C3orf20: variants seen among roughly 807,000 people sequenced by gnomAD.
C3orf20 encodes the protein uncharacterized protein C3orf20.
Under a neutral mutation model 88.3 loss-of-function variants are expected in C3orf20, and 76 were observed. That is an observed-to-expected ratio of 0.86 (90% CI 0.72 to 1.04). The LOEUF (loss-of-function observed/expected upper bound fraction) is 1.04, where lower values mean the gene tolerates loss of function less well. Among genes scored for constraint, C3orf20 ranks in the 50% least tolerant of loss-of-function variants. C3orf20 has a pLI of 0.00. For missense variants in C3orf20, 1,056 were observed against 1,123.3 expected, an observed-to-expected ratio of 0.94 and a Z score of 0.86; for synonymous variants, 436 against 437.4, an observed-to-expected ratio of 1.00 and a Z score of 0.04.
intron 7 of C3orf20, among the ~76,000 whole-genome samples, chr3:14,712,842 G>A (rs1033643249): frequency 2.0e-5 from 3 of 152,138 alleles, no homozygotes; most frequent in East Asian, 1.9e-4. Context: ...AGGTCTACTA[G>A]TGATTAACTT....
chr3:14,687,687 A>T (rs959780831), intron 4 of C3orf20, among the ~76,000 whole-genome samples: 1 of 152,164 alleles, frequency 6.6e-6, no homozygotes, highest in African/African-American at 2.4e-5. Flanking sequence ...CCTGAATACC[A>T]TGTCTCCTCA....
intron 12 of C3orf20, among the ~76,000 whole-genome samples, chr3:14,741,842 A>C (rs917616551): frequency 6.6e-5 from 10 of 152,198 alleles, no homozygotes; most frequent in African/African-American, 2.4e-4. Flanking sequence ...TTTTAATTAC[A>C]TATAGATTAA....
intron 12 of C3orf20, among the ~76,000 whole-genome samples, chr3:14,752,639 A>C (rs989880759): frequency 6.6e-6 from 1 of 152,234 alleles, no homozygotes; most frequent in African/African-American, 2.4e-5. Flanking sequence ...ACAAATTTAC[A>C]AGAAAAAAAC....
chr3:14,772,312 A>G lies in C3orf20; in HGVS notation c.2630+111A>G, dbSNP rs1017674768. 4.3e-5 allele frequency: 58 copies of G among 1,340,998 alleles called. No homozygotes were observed. Among genetic ancestry groups the G allele is most frequent in the Non-Finnish European group, 5.4e-5 (52 of 957,140 alleles). 83.1% of individuals were successfully genotyped at this position (1,340,998 alleles called of 1,614,324 possible). A position where few individuals can be genotyped will look rare whatever the true frequency, so the allele number is the denominator to read the frequency against. On this transcript the variant is annotated intron_variant, in intron 16 of 16. Transcript: ENST00000253697. The surrounding 1 kb of genome is among the most constrained non-coding windows in gnomAD (Gnocchi z 4.2). ...CCAGGCGTGGCCTGGGTCATGTCCA[A>G]CCATCGCTGACATCTAGCCCATGTA... is the stretch of plus-strand genomic sequence containing the variant.
At chr3:14,718,800 C>T (rs943141571) in intron 9 of C3orf20, among the ~76,000 whole-genome samples, 4 of 152,208 alleles carry the variant, frequency 2.6e-5, no homozygotes, top group Non-Finnish European at 4.4e-5. Flanking sequence ...TTTCTTCAAC[C>T]GTAAGATGTC....
chr3:14,707,445 T>TTGTGTGTG lies in C3orf20; in HGVS notation c.1160+2867_1160+2874dup, dbSNP rs36047273. On this transcript the variant is annotated intron_variant, in intron 7 of 16. Coordinates refer to ENST00000253697, the MANE Select transcript of C3orf20 (RefSeq NM_032137.5). ...GACGAATGGCGTAGAGCATCTTTTC[T>TTGTGTGTG]TGTGTGTGTGTGTGTGTGTGTGTGT... 3.4e-3 allele frequency among the ~76,000 whole-genome samples: 462 copies of TTGTGTGTG among 136,446 alleles called. 1 individual carries two copies. Among genetic ancestry groups the TTGTGTGTG allele is most frequent in the African/African-American group, 9.9e-3 (360 of 36,256 alleles). The allele number at this position is 136,446 out of a possible 152,430, so 89.5% of individuals were successfully genotyped here.
chr3:14,676,899 C>T (rs2031801597), intron 1 of C3orf20, among the ~76,000 whole-genome samples: 1 of 152,246 alleles, frequency 6.6e-6, no homozygotes, highest in Non-Finnish European at 1.5e-5. Flanking sequence ...CCACTTCTCT[C>T]TAGCAGAGCC....
rs770211280 is a variant in C3orf20 at position 14,715,291 on chromosome 3, G to T, written c.1316G>T (p.Cys439Phe). The T allele has an allele frequency of 4.3e-6, 7 of 1,611,680 alleles. No individual in the cohort carries two copies. Among genetic ancestry groups the T allele is most frequent in the Non-Finnish European group, 5.1e-6 (6 of 1,179,380 alleles). The change falls in exon 9 of 17, where the codon TGC becomes TTC. Residue 439 changes from cysteine (C) to phenylalanine (F), a missense_variant and splice_region_variant. By Grantham distance (205) the Cys-to-Phe change is radical. Coordinates refer to ENST00000253697, the MANE Select transcript of C3orf20 (RefSeq NM_032137.5). The part of the protein sequence containing the change: ...GCVHYNLKTS[C>F]PYVLILDEEG... ...ACTCACTTCTGTATCTCTCCTAGTT[G>T]CCCATATGTCTTAATCTTGGATGAG... is the stretch of plus-strand genomic sequence containing the variant.
Position 14,704,654 on chromosome 3 carries a change from C to T in C3orf20, c.1160+36C>T, listed in dbSNP as rs200194696. ...ATTTGGTACCACCCTATCTCCCCAG[C>T]TACTCAACCCCAGAGAAGTCCAGGA... On this transcript the variant is annotated intron_variant, in intron 7 of 16. Transcript: ENST00000253697. 4.6e-4 allele frequency: 743 copies of T among 1,601,080 alleles called. 2 individuals are homozygous for T. The Middle Eastern group carries it at 5.5e-3, about 12-fold the overall frequency.
At chr3:14,726,842 T>G in intron 10 of C3orf20, 59 bp from the exon 11 acceptor site, 3 of 1,610,562 alleles carry the variant, frequency 1.9e-6, no homozygotes, top group Non-Finnish European at 2.5e-6. Flanking sequence ...TATCCTGGAC[T>G]AGGCAGCTGG....
chr3:14,739,982 C>T (rs371195459), intron 12 of C3orf20, among the ~76,000 whole-genome samples: 1 of 152,184 alleles, frequency 6.6e-6, no homozygotes, highest in Non-Finnish European at 1.5e-5. Flanking sequence ...CTATGCAGAC[C>T]ACTAAAACTT....
chr3:14,680,981 C>T (rs549867731), intron 1 of C3orf20, among the ~76,000 whole-genome samples: 20 of 152,320 alleles, frequency 1.3e-4, no homozygotes, highest in African/African-American at 4.3e-4. Flanking sequence ...AACAAATAGG[C>T]GTAGGAAGCC....
At chr3:14,756,940 A>G (rs951166336) in intron 12 of C3orf20, among the ~76,000 whole-genome samples, 2 of 152,210 alleles carry the variant, frequency 1.3e-5, no homozygotes. Flanking sequence ...GGAAGAAAAC[A>G]CAGGACCCAT....
intron 12 of C3orf20, among the ~76,000 whole-genome samples, chr3:14,737,313 C>A (rs1473313850): frequency 6.6e-6 from 1 of 152,018 alleles, no homozygotes; most frequent in South Asian, 2.1e-4. Flanking sequence ...CTGGGACTCC[C>A]AAGTACACCT....
rs527841809 is a variant in C3orf20, at chr3:14,705,861, AC to A, written c.1160+1244del. Reference sequence around the variant, plus strand: ...GGCATGGTGTGACTGACTGTATGCCACAAAAGGAATTCTGTGGCCAAGCTAG... The same window carrying A: ...GGCATGGTGTGACTGACTGTATGCCAAAAAGGAATTCTGTGGCCAAGCTAG... On this transcript the variant is annotated intron_variant, in intron 7 of 16. Coordinates refer to ENST00000253697, the MANE Select transcript of C3orf20 (RefSeq NM_032137.5). Among the ~76,000 whole-genome samples the A allele has an allele frequency of 3.5e-4, 53 of 152,342 alleles. 1 individual carries two copies. The highest frequency in any genetic ancestry group is 3.3e-3 in the South Asian group (16 of 4,824).
Position 14,759,953 on chromosome 3 carries a change from TC to T in C3orf20, c.2311del (p.Leu771Ter). The T allele has an allele frequency of 6.2e-7, 1 of 1,614,052 alleles. No homozygotes were observed. The highest frequency in any genetic ancestry group is 8.5e-7 in the Non-Finnish European group (1 of 1,179,968). On this transcript the variant is annotated frameshift_variant, in exon 14 of 17. Transcript: ENST00000253697. LOFTEE classifies it high-confidence loss of function. ...DLDSPLQEDP[P>X]LMVKKNSVVQ... ...TGGACAGCCCCCTGCAGGAGGACCC[TC>T]CCCTGATGGTGAAGAAGAACTCTGT...
chr3:14,730,667 A>G, intron 12 of C3orf20, among the ~76,000 whole-genome samples: 1 of 152,342 alleles, frequency 6.6e-6, no homozygotes, highest in Middle Eastern at 3.4e-3. Flanking sequence ...GGCATATGCC[A>G]GGATGTGAAA....
intron 12 of C3orf20, among the ~76,000 whole-genome samples, chr3:14,740,728 A>G (rs2034876348): frequency 1.3e-5 from 2 of 151,860 alleles, no homozygotes; most frequent in African/African-American, 2.4e-5. Flanking sequence ...GGTATTTTCT[A>G]CTGACCTGTC....
intron 12 of C3orf20, among the ~76,000 whole-genome samples, chr3:14,741,884 A>C (rs1250352124): frequency 2.6e-5 from 4 of 152,166 alleles, no homozygotes; most frequent in Admixed American, 2.6e-4. Flanking sequence ...TCTAGGGTAG[A>C]GGTAGTAACT....
Sources: allele counts gnomAD v4.1 joint callset (sites outside exome capture counted in the v4.1 genomes callset), GRCh38; gene constraint gnomAD v4.1.1; non-coding constraint Gnocchi (gnomAD v3.1); transcripts MANE v1.5; gene names NCBI Gene and HGNC (gene_info 2026-07-23, HGNC 2026-07-21).